PANK2: variants seen among roughly 807,000 people sequenced by gnomAD.
PANK2 encodes pantothenate kinase 2, mitochondrial.
Under a neutral mutation model 43.1 loss-of-function variants are expected in PANK2, and 36 were observed. The observed-to-expected ratio is 0.84, with a 90% CI of 0.64 to 1.10. PANK2 has a LOEUF of 1.10. Among genes scored for constraint, PANK2 ranks in the 50% least tolerant of loss-of-function variants. PANK2 has a pLI of 0.00. For missense variants in PANK2, 576 were observed against 593.3 expected (o/e 0.97, Z 0.30); for synonymous variants, 281 against 238.2 (o/e 1.18, Z -1.66).
At chr20:3,891,920 T>G (rs988463944) in intron 1 of PANK2, among the ~76,000 whole-genome samples, 6 of 152,374 alleles carry the variant, frequency 3.9e-5, no homozygotes, top group African/African-American at 1.4e-4. Flanking sequence ...CATTATCTTC[T>G]CTGGCTGATA....
chr20:3,904,958 A>G (rs1333058762), intron 1 of PANK2, among the ~76,000 whole-genome samples: 2 of 152,176 alleles, frequency 1.3e-5, no homozygotes, highest in Non-Finnish European at 2.9e-5. Context: ...GGGAGGTATG[A>G]GATACGTGGC....
chr20:3,902,221 C>T (rs966042961), intron 1 of PANK2, among the ~76,000 whole-genome samples: 2 of 150,156 alleles, frequency 1.3e-5, no homozygotes, highest in African/African-American at 4.9e-5. Context: ...GGCTGGAGTG[C>T]GGTGGCATGG....
At chr20:3,921,553 TA>T (rs979417716) in intron 6 of PANK2, 1 of 152,186 alleles carries the variant, frequency 6.6e-6, no homozygotes, top group African/African-American at 2.4e-5. Context: ...GAAAGCTGCC[TA>T]AAACAAACTG....
At chr20:3,915,450 G>T (rs188784251) in intron 4 of PANK2, among the ~76,000 whole-genome samples, 2 of 151,794 alleles carry the variant, frequency 1.3e-5, no homozygotes, top group African/African-American at 4.8e-5. Context: ...AGTGCGTGCC[G>T]CCACACCCAG....
chr20:3,914,682 C>G (rs1374350939), intron 4 of PANK2, among the ~76,000 whole-genome samples: 1 of 151,942 alleles, frequency 6.6e-6, no homozygotes, highest in Non-Finnish European at 1.5e-5. Flanking sequence ...TCACTGAAAC[C>G]TCTACCTCCT....
intron 1 of PANK2, among the ~76,000 whole-genome samples, chr20:3,903,901 A>G (rs2146848762): frequency 6.6e-6 from 1 of 152,160 alleles, no homozygotes; most frequent in East Asian, 1.9e-4. Context: ...TGTTGGGATT[A>G]CAGGCGTGAG....
intron 1 of PANK2, among the ~76,000 whole-genome samples, chr20:3,902,433 G>A (rs971695982): frequency 6.6e-6 from 1 of 151,586 alleles, no homozygotes; most frequent in Non-Finnish European, 1.5e-5. Flanking sequence ...AGGTTCAAGC[G>A]ATTTCCAGCC....
chr20:3,910,514 G>C lies in PANK2; in HGVS notation c.652-63G>C. 3.2e-6 allele frequency: 5 copies of C among 1,586,746 alleles called. No homozygotes were observed. In the Admixed American group the frequency reaches 8.3e-5, roughly 26 times the overall value. On this transcript the variant is annotated intron_variant, in intron 2 of 6. Coordinates refer to ENST00000610179, the MANE Select transcript of PANK2 (RefSeq NM_001386393.1). ...TTTCACGTAGTGGGGATGCCTTATT[G>C]AATGGAATTTTTGTTTCTGTTGGCT...
At chr20:3,919,059 C>T (rs1600573281) in intron 6 of PANK2, among the ~76,000 whole-genome samples, 1 of 152,042 alleles carries the variant, frequency 6.6e-6, no homozygotes, top group East Asian at 1.9e-4. Context: ...AGTGTGCGCC[C>T]CCACACCCTG....
intron 1 of PANK2, among the ~76,000 whole-genome samples, chr20:3,898,104 G>T (rs2090239802): frequency 1.3e-5 from 2 of 152,100 alleles, no homozygotes; most frequent in Non-Finnish European, 2.9e-5. Flanking sequence ...TTACTAATTG[G>T]AATTTCTAAT....
chr20:3,912,817 G>A (rs1016645065), intron 4 of PANK2, among the ~76,000 whole-genome samples, 183 bp downstream of exon 4: 1 of 151,658 alleles, frequency 6.6e-6, no homozygotes, highest in African/African-American at 2.4e-5. Context: ...AGGCATGGTG[G>A]TGCGCGCCTG....
chr20:3,893,302 A>G (rs1025907460), intron 1 of PANK2, among the ~76,000 whole-genome samples: 11 of 152,108 alleles, frequency 7.2e-5, no homozygotes, highest in Admixed American at 7.2e-4. Context: ...GTGTGATGTA[A>G]TCCAGAGCTG....
intron 1 of PANK2, among the ~76,000 whole-genome samples, chr20:3,900,931 G>T (rs2033211036): frequency 6.6e-6 from 1 of 151,868 alleles, no homozygotes; most frequent in Non-Finnish European, 1.5e-5. Flanking sequence ...ACCACACCTG[G>T]CTAATTTTTC....
At chr20:3,918,935 T>TCAAAAAAA in intron 6 of PANK2, 139 bp downstream of exon 6, 1 of 1,436,976 alleles carries the variant, frequency 7.0e-7, no homozygotes, top group Non-Finnish European at 9.8e-7. Context: ...AGACGGAGTC[T>TCAAAAAAA]CGCTCTGTCA....
At chr20:3,899,940 G>T (rs1226437441) in intron 1 of PANK2, among the ~76,000 whole-genome samples, 1 of 151,694 alleles carries the variant, frequency 6.6e-6, no homozygotes, top group Non-Finnish European at 1.5e-5. Context: ...TCCTGACCTC[G>T]TGATCCGCCT....
In PANK2 at chr20:3,908,360, C is replaced by T. The variant is rs71647838; in HGVS notation, c.651+82C>T. The T allele has an allele frequency of 3.1e-3, 3,947 of 1,286,098 alleles. 44 individuals carry two copies. The highest frequency in any genetic ancestry group is 0.029 in the Admixed American group (1,438 of 49,494). 79.7% of individuals were successfully genotyped at this position (1,286,098 alleles called of 1,614,324 possible). On this transcript the variant is annotated intron_variant, in intron 2 of 6. Transcript: ENST00000610179. ...CCAGTAGCAAGTGGTGAAATAATTT[C>T]CATCTCTAATGGAACTTGAATTTTC... is the stretch of plus-strand genomic sequence containing the variant.
chr20:3,920,542 AAAAC>A (rs776416528), intron 6 of PANK2, among the ~76,000 whole-genome samples: 27 of 150,398 alleles, frequency 1.8e-4, no homozygotes, highest in South Asian at 1.1e-3. Context: ...CAACAACAAC[AAAAC>A]AAACAAAAAC....
chr20:3,896,313 C>T (rs1210053629), intron 1 of PANK2, among the ~76,000 whole-genome samples: 8 of 149,406 alleles, frequency 5.4e-5, no homozygotes, highest in Middle Eastern at 3.5e-3. Flanking sequence ...CTCCTGACCT[C>T]GTGATCCGCC....
Position 3,925,529 on chromosome 20 carries a change from C to T in PANK2, c.*2235C>T, listed in dbSNP as rs1047228668. 2 of 152,168 alleles carry T rather than the reference C, an allele frequency of 1.3e-5. No homozygotes were observed. Among genetic ancestry groups the T allele is most frequent in the Non-Finnish European group, 2.9e-5 (2 of 68,062 alleles). The allele number at this position is 152,168 out of a possible 1,614,324, so 9.4% of individuals were successfully genotyped here. On this transcript the variant is annotated 3_prime_UTR_variant, in exon 7 of 7. Transcript: ENST00000610179. ...GAATACAGGTGTGAGCCCCTGCGCC[C>T]GGCTCACAGCAGGGTTCTTGATAGG...
Sources: gnomAD v4.1 joint callset for allele counts (sites outside exome capture counted in the v4.1 genomes callset) on GRCh38, gnomAD v4.1.1 for gene constraint, MANE v1.5 for transcripts, NCBI Gene and HGNC (gene_info 2026-07-23, HGNC 2026-07-21) for gene names.